FAM168A: variants seen among roughly 807,000 people sequenced by gnomAD.
FAM168A encodes the protein protein FAM168A.
Under a neutral mutation model 28.5 loss-of-function variants are expected in FAM168A, and 3 were observed. The ratio of observed to expected loss-of-function variants is 0.11; its 90% CI spans 0.05 to 0.27. The LOEUF is 0.27. Ranked by LOEUF, FAM168A falls within the 10% of genes least tolerant of loss-of-function variation. The probability of loss-of-function intolerance (pLI) is 1.00; values close to 1 mark genes in which losing one functional copy is unlikely to be tolerated. For synonymous variants in FAM168A, 122 were observed against 124.2 expected, an observed-to-expected ratio of 0.98 and a Z score of 0.12; for missense variants, 222 against 311.5, an observed-to-expected ratio of 0.71 and a Z score of 2.16.
rs150151103 is a variant in FAM168A, at chr11:73,494,925, C to A, written c.-18-26433G>T. ...GGCTGAGGCATGAGAATCACTTGAA[C>A]CCAGGAGGCAGAGGCTGCAGCAGTG... On this transcript the variant is annotated intron_variant, in intron 1 of 7. Transcript: ENST00000356467. Among the ~76,000 whole-genome samples the A allele has an allele frequency of 6.9e-3, 1,045 of 151,910 alleles. 10 individuals carry two copies. Among genetic ancestry groups the A allele is most frequent in the African/African-American group, 0.022 (913 of 41,400 alleles).
chr11:73,525,434 C>G (rs1195977530), intron 1 of FAM168A, among the ~76,000 whole-genome samples: 1 of 152,106 alleles, frequency 6.6e-6, no homozygotes, highest in African/African-American at 2.4e-5. Flanking sequence ...GAATGAAGAC[C>G]TTCACTAAAT....
chr11:73,426,703 C>CTCTGTGTGTGTGTGTGTG (rs1555018087), intron 3 of FAM168A, among the ~76,000 whole-genome samples: 2 of 144,204 alleles, frequency 1.4e-5, no homozygotes, highest in African/African-American at 5.1e-5. Flanking sequence ...CCAAAATATG[C>CTCTGTGTGTGTGTGTGTG]TGTGTGTGTG....
chr11:73,585,635 A>G (rs954170604), intron 1 of FAM168A, among the ~76,000 whole-genome samples: 3 of 152,178 alleles, frequency 2.0e-5, no homozygotes, highest in Admixed American at 6.5e-5. Context: ...TGGGAGGCCA[A>G]GGCAGGAGGA....
intron 1 of FAM168A, among the ~76,000 whole-genome samples, chr11:73,553,234 G>A (rs1943849348): frequency 6.6e-6 from 1 of 151,920 alleles, no homozygotes; most frequent in Non-Finnish European, 1.5e-5. Flanking sequence ...TTTTCAACGA[G>A]ACCTTAATCC....
In FAM168A at chr11:73,526,438, AC is replaced by A. The variant is rs1943448182; in HGVS notation, c.-18-57947del. Among the ~76,000 whole-genome samples, 7 of 152,214 alleles carry A rather than the reference AC, an allele frequency of 4.6e-5. No homozygotes were observed. In the South Asian group the frequency reaches 1.2e-3, roughly 27 times the overall value. ...TTCTTGTGCCTGAGTTCTAATTCTA[AC>A]CCTGCCTTTGACTCGATAGGTGTCT... On this transcript the variant is annotated intron_variant, in intron 1 of 7. Coordinates refer to ENST00000356467, the MANE Select transcript of FAM168A (RefSeq NM_015159.3).
At chr11:73,484,733 G>T (rs963727777) in intron 1 of FAM168A, among the ~76,000 whole-genome samples, 3 of 141,044 alleles carry the variant, frequency 2.1e-5, no homozygotes, top group Non-Finnish European at 4.6e-5. Flanking sequence ...GATATATATC[G>T]ATATATAGAT....
rs1192263727 is a variant in FAM168A at position 73,400,580 on chromosome 11, G to C, written c.*6183C>G. The stretch of plus-strand genomic sequence containing the variant: ...GCTCCCACATCACACACTTAGGGTG[G>C]GTGCTGAAGTTGCCACTTAAAGCTC... On this transcript the variant is annotated 3_prime_UTR_variant, in exon 8 of 8. Transcript: ENST00000356467. The C allele has an allele frequency of 6.6e-6, 1 of 152,176 alleles. No individual in the cohort carries two copies. The allele number at this position is 152,176 out of a possible 1,614,324, so 9.4% of individuals were successfully genotyped here.
rs546723430 is a variant in FAM168A, at chr11:73,431,610, A to G, written c.71-840T>C. Among the ~76,000 whole-genome samples, 8 of 152,284 alleles carry G rather than the reference A, an allele frequency of 5.3e-5. No homozygotes were observed. In the East Asian group the frequency reaches 1.5e-3, roughly 29 times the overall value. On this transcript the variant is annotated intron_variant, in intron 2 of 7. Coordinates refer to ENST00000356467, the MANE Select transcript of FAM168A (RefSeq NM_015159.3). ...ACATTTGCCAACTGCCATGGCATAA[A>G]TGCTTCCACTATGACCAATTTGATG...
At chr11:73,542,980 A>T (rs1943676628) in intron 1 of FAM168A, among the ~76,000 whole-genome samples, 1 of 152,164 alleles carries the variant, frequency 6.6e-6, no homozygotes, top group South Asian at 2.1e-4. Flanking sequence ...CTCTCTGCCT[A>T]AAGAATTCTT....
chr11:73,459,403 G>A (rs1867601552), intron 2 of FAM168A, among the ~76,000 whole-genome samples: 2 of 151,210 alleles, frequency 1.3e-5, no homozygotes, highest in South Asian at 2.1e-4. Flanking sequence ...GGAGAATGGC[G>A]TGAACCTGGG....
At chr11:73,480,864 T>G (rs1057276880) in intron 1 of FAM168A, among the ~76,000 whole-genome samples, 1 of 152,244 alleles carries the variant, frequency 6.6e-6, no homozygotes, top group Non-Finnish European at 1.5e-5. Context: ...AATCCAGATG[T>G]ATTATCTAAA....
At chr11:73,555,874 T>C (rs1943884268) in intron 1 of FAM168A, among the ~76,000 whole-genome samples, 1 of 152,192 alleles carries the variant, frequency 6.6e-6, no homozygotes, top group East Asian at 1.9e-4. Context: ...TCCAAGGACC[T>C]TGTTAGTCTT....
rs188512465 is a variant in FAM168A, at chr11:73,492,590, G to A, written c.-18-24098C>T. Among the ~76,000 whole-genome samples, 238 of 152,266 alleles carry A rather than the reference G, an allele frequency of 1.6e-3. 1 individual carries two copies. Among genetic ancestry groups the A allele is most frequent in the African/African-American group, 5.3e-3 (219 of 41,540 alleles). The stretch of plus-strand genomic sequence containing the variant: ...CTGGAGGTCAAGGCTGCGGTAAGCC[G>A]AGATCGCACCTCTGCACTCCAGCCT... On this transcript the variant is annotated intron_variant, in intron 1 of 7. Coordinates refer to ENST00000356467, the MANE Select transcript of FAM168A (RefSeq NM_015159.3).
intron 4 of FAM168A, among the ~76,000 whole-genome samples, chr11:73,419,219 T>A (rs1462058505): frequency 6.6e-6 from 1 of 152,154 alleles, no homozygotes; most frequent in Non-Finnish European, 1.5e-5. Flanking sequence ...AGCCTCAGGA[T>A]GAATATGACC....
At chr11:73,437,782 C>A (rs952556433) in intron 2 of FAM168A, among the ~76,000 whole-genome samples, 2 of 152,096 alleles carry the variant, frequency 1.3e-5, no homozygotes, top group Admixed American at 1.3e-4. Flanking sequence ...TAGTTCTACC[C>A]TCACAGAACA....
intron 1 of FAM168A, among the ~76,000 whole-genome samples, chr11:73,551,771 T>A (rs1298772497): frequency 1.3e-5 from 2 of 152,260 alleles, no homozygotes; most frequent in Non-Finnish European, 1.5e-5. Context: ...TTAGCTTTTT[T>A]AAAAAATATG....
intron 7 of FAM168A, 46 bp from the exon 8 acceptor site, chr11:73,406,790 G>A (rs1469788356): frequency 6.6e-6 from 1 of 152,628 alleles, no homozygotes; most frequent in Non-Finnish European, 1.5e-5. Context: ...ATATTCAGGA[G>A]GCTTCTCCCC....
At chr11:73,432,320 T>A (rs111730291) in intron 2 of FAM168A, among the ~76,000 whole-genome samples, 14 of 152,332 alleles carry the variant, frequency 9.2e-5, no homozygotes, top group African/African-American at 2.6e-4. Context: ...CATATGGTAA[T>A]TCTATGTTTA....
intron 1 of FAM168A, among the ~76,000 whole-genome samples, chr11:73,496,562 T>A (rs545497727): frequency 3.3e-5 from 5 of 152,182 alleles, no homozygotes; most frequent in Non-Finnish European, 7.3e-5. Context: ...TTTGTTTGGT[T>A]GGTTGGTTGG....
Sources: gnomAD v4.1 joint callset for allele counts (sites outside exome capture counted in the v4.1 genomes callset) on GRCh38, gnomAD v4.1.1 for gene constraint, MANE v1.5 for transcripts, NCBI Gene and HGNC (gene_info 2026-07-23, HGNC 2026-07-21) for gene names.